MN1: variants seen among roughly 807,000 people sequenced by gnomAD.
MN1 encodes the protein transcriptional activator MN1.
A neutral mutation model predicts 86.9 loss-of-function variants in MN1; 19 were observed. The observed-to-expected ratio is 0.22, with a 90% confidence interval of 0.15 to 0.32. The LOEUF is 0.32. MN1 is among the 10% of genes least tolerant of loss of function. The probability of loss-of-function intolerance (pLI) is 1.00; values close to 1 mark genes in which losing one functional copy is unlikely to be tolerated. For missense variants in MN1, 1,841 were observed against 1,862.0 expected (o/e 0.99, Z 0.21); for synonymous variants, 928 against 849.6 (o/e 1.09, Z -1.60).
In MN1 at chr22:27,750,267, C is replaced by G. The variant is rs1272159359; in HGVS notation, c.*648G>C. On this transcript the variant is annotated 3_prime_UTR_variant, in exon 2 of 2. Coordinates refer to ENST00000302326, the MANE Select transcript of MN1 (RefSeq NM_002430.3). ...AATGAAAATATATTTTCTTAGGGAA[C>G]AGACAAAACAAAATCCCAGGCGGAA... The G allele has an allele frequency of 4.3e-6, 1 of 230,352 alleles. No individual in the cohort carries two copies. The highest frequency in any genetic ancestry group is 2.2e-5 in the African/African-American group (1 of 45,018). The allele number at this position is 230,352 out of a possible 1,614,324, so 14.3% of individuals were successfully genotyped here.
At chr22:27,774,229 C>T (rs2005397) in intron 1 of MN1, among the ~76,000 whole-genome samples, 55,340 of 152,122 alleles carry the variant, frequency 0.36, 11,421 homozygotes, top group African/African-American at 0.55. Context: ...CCGTCGTGAA[C>T]GGGGATATTC....
chr22:27,771,219 CTTTTTTTTT>C lies in MN1; in HGVS notation c.3782-20132_3782-20124del, dbSNP rs11330963. ...TGTTTTGGTGGGGTTTTTTCCCTAA[CTTTTTTTTT>C]TTTTTTTTTTTTTTTTTAGAGATAG... On this transcript the variant is annotated intron_variant, in intron 1 of 1. Coordinates refer to ENST00000302326, the MANE Select transcript of MN1 (RefSeq NM_002430.3). Among the ~76,000 whole-genome samples the C allele has an allele frequency of 5.8e-5, 5 of 86,640 alleles. No individual in the cohort carries two copies. In the Admixed American group the frequency reaches 5.8e-4, roughly 10 times the overall value. The allele number at this position is 86,640 out of a possible 152,430, so 56.8% of individuals were successfully genotyped here.
intron 1 of MN1, among the ~76,000 whole-genome samples, chr22:27,761,092 T>C (rs543570718): frequency 1.1e-4 from 17 of 152,114 alleles, no homozygotes; most frequent in Non-Finnish European, 2.5e-4. Flanking sequence ...TTTATCAAAG[T>C]TGCATGAAAA....
intron 1 of MN1, among the ~76,000 whole-genome samples, chr22:27,754,488 G>T (rs764848512): frequency 6.6e-6 from 1 of 152,174 alleles, no homozygotes; most frequent in Non-Finnish European, 1.5e-5. Flanking sequence ...CCCAGCCTCC[G>T]CCTAGAATGA....
At chr22:27,788,690 T>C (rs45567243) in intron 1 of MN1, among the ~76,000 whole-genome samples, 1,544 of 148,614 alleles carry the variant, frequency 0.01, 34 homozygotes, top group African/African-American at 0.037. Flanking sequence ...TGTGTGTGTG[T>C]GCACGCGTGT....
At chr22:27,766,812 C>G (rs1409357563) in intron 1 of MN1, among the ~76,000 whole-genome samples, 1 of 152,160 alleles carries the variant, frequency 6.6e-6, no homozygotes, top group African/African-American at 2.4e-5. Flanking sequence ...AAGCCAGCAC[C>G]AGACCCCCTC....
At position 27,750,864 on chromosome 22, in the gene MN1, C is replaced by G. The variant is rs1158099520; in HGVS notation, c.*51G>C. On this transcript the variant is annotated 3_prime_UTR_variant, in exon 2 of 2. Transcript: ENST00000302326. The stretch of plus-strand genomic sequence containing the variant: ...GGGGTAAGGTTGAGGGGGAAGGAAA[C>G]AGACAGGGGGAGAGGAAGGGCCTGG... 1 of 1,467,174 alleles carries G rather than the reference C, an allele frequency of 6.8e-7. No homozygotes were observed. Among genetic ancestry groups the G allele is most frequent in the East Asian group, 2.4e-5 (1 of 41,470 alleles). The allele number at this position is 1,467,174 out of a possible 1,614,324, so 90.9% of individuals were successfully genotyped here.
chr22:27,759,331 G>A (rs1269988439), intron 1 of MN1, among the ~76,000 whole-genome samples: 1 of 151,332 alleles, frequency 6.6e-6, no homozygotes, highest in Non-Finnish European at 1.5e-5. Flanking sequence ...AGATAGATGG[G>A]GCCTGGGAAA....
chr22:27,771,777 C>T (rs1932918887), intron 1 of MN1, among the ~76,000 whole-genome samples: 1 of 152,134 alleles, frequency 6.6e-6, no homozygotes, highest in South Asian at 2.1e-4. Context: ...AGTTTGCCAA[C>T]TCCTGCGTTA....
At chr22:27,772,066 G>C (rs1932921796) in intron 1 of MN1, among the ~76,000 whole-genome samples, 1 of 152,188 alleles carries the variant, frequency 6.6e-6, no homozygotes, top group African/African-American at 2.4e-5. Context: ...AAAATAAGGA[G>C]GGACGAAAGG....
At chr22:27,786,797 G>C (rs975744337) in intron 1 of MN1, among the ~76,000 whole-genome samples, 3 of 148,936 alleles carry the variant, frequency 2.0e-5, no homozygotes, top group Non-Finnish European at 3.0e-5. Context: ...ACTACTGGTG[G>C]CCATTATTCT....
intron 1 of MN1, among the ~76,000 whole-genome samples, chr22:27,755,685 A>G (rs4820776): frequency 0.73 from 110,994 of 152,074 alleles, 41,155 homozygotes; most frequent in East Asian, 0.87. Flanking sequence ...TGGTCATCAT[A>G]CTGCAGAGGT....
chr22:27,791,318 G>A lies in MN1; in HGVS notation c.3781+5445C>T, dbSNP rs117633900. On this transcript the variant is annotated intron_variant, in intron 1 of 1. Coordinates refer to ENST00000302326, the MANE Select transcript of MN1 (RefSeq NM_002430.3). ...TCCAAATGTCCCTCTTCTCAATCAC[G>A]CACTCATGTATACATCAACATCTCC... Among the ~76,000 whole-genome samples, 615 of 152,016 alleles carry A rather than the reference G, an allele frequency of 4.0e-3. 3 individuals are homozygous for A. The highest frequency in any genetic ancestry group is 0.024 in the Middle Eastern group (7 of 294).
At chr22:27,783,968 G>C (rs1933088393) in intron 1 of MN1, among the ~76,000 whole-genome samples, 1 of 152,222 alleles carries the variant, frequency 6.6e-6, no homozygotes, top group South Asian at 2.1e-4. Flanking sequence ...TGCCGCCGCA[G>C]GCTCCTGCTG....
intron 1 of MN1, among the ~76,000 whole-genome samples, chr22:27,752,401 C>T (rs569363549): frequency 5.9e-5 from 9 of 152,350 alleles, no homozygotes; most frequent in African/African-American, 2.2e-4. Flanking sequence ...CGTGAAAGGA[C>T]TCTGGGTGCC....
Position 27,750,884 on chromosome 22 carries a change from G to GC in MN1, c.*30dup, listed in dbSNP as rs1212077368. Reference sequence around the variant, plus strand: ...GGAAACAGACAGGGGGAGAGGAAGGGCCTGGTAGAGGAGGGGATCTTTCTT... The same window carrying GC: ...GGAAACAGACAGGGGGAGAGGAAGGGCCCTGGTAGAGGAGGGGATCTTTCTT... On this transcript the variant is annotated 3_prime_UTR_variant, in exon 2 of 2. Transcript: ENST00000302326. 6.5e-7 allele frequency: 1 copy of GC among 1,542,316 alleles called. No homozygotes were observed. The highest frequency in any genetic ancestry group is 8.8e-7 in the Non-Finnish European group (1 of 1,134,782).
Position 27,801,317 on chromosome 22 carries a change from C to CTCGGCAGCGGGTGTGCTGCGT in MN1, c.-775_-774insACGCAGCACACCCGCTGCCGA. 4.6e-6 allele frequency: 1 copy of CTCGGCAGCGGGTGTGCTGCGT among 218,258 alleles called. No homozygotes were observed. Among genetic ancestry groups the CTCGGCAGCGGGTGTGCTGCGT allele is most frequent in the Non-Finnish European group, 9.2e-6 (1 of 108,410 alleles). The allele number at this position is 218,258 out of a possible 1,614,324, so 13.5% of individuals were successfully genotyped here. ...GTCGGGGAAAGGCGCGGCTCCTCTGCTCGGCAGCGGGTGCGCTGCGTTCGG... is the reference window on the plus strand; with the variant it reads ...GTCGGGGAAAGGCGCGGCTCCTCTGCTCGGCAGCGGGTGTGCTGCGTTCGGCAGCGGGTGCGCTGCGTTCGG... On this transcript the variant is annotated 5_prime_UTR_variant, in exon 1 of 2. Transcript: ENST00000302326.
chr22:27,781,463 G>A (rs1307869998), intron 1 of MN1, among the ~76,000 whole-genome samples: 1 of 152,112 alleles, frequency 6.6e-6, no homozygotes, highest in Admixed American at 6.5e-5. Flanking sequence ...GCCCTGGGGG[G>A]GGCAATATTG....
rs1241216175 is a variant in MN1, at chr22:27,750,884, G to A, written c.*31C>T. The A allele has an allele frequency of 2.6e-6, 4 of 1,542,316 alleles. No individual in the cohort carries two copies. In the East Asian group the frequency reaches 6.9e-5, roughly 27 times the overall value. ...GGAAACAGACAGGGGGAGAGGAAGG[G>A]CCTGGTAGAGGAGGGGATCTTTCTT... On this transcript the variant is annotated 3_prime_UTR_variant, in exon 2 of 2. Transcript: ENST00000302326.
Sources: allele counts gnomAD v4.1 joint callset (sites outside exome capture counted in the v4.1 genomes callset), GRCh38; gene constraint gnomAD v4.1.1; transcripts MANE v1.5; gene names NCBI Gene and HGNC (gene_info 2026-07-23, HGNC 2026-07-21).